PTPN21: variants seen among roughly 807,000 people sequenced by gnomAD.
The protein encoded by PTPN21 is protein tyrosine phosphatase non-receptor type 21, also known as tyrosine-protein phosphatase non-receptor type 21.
Under a neutral mutation model 131.8 loss-of-function variants are expected in PTPN21, and 77 were observed. The ratio of observed to expected loss-of-function variants is 0.58; its 90% CI spans 0.49 to 0.71. The LOEUF (loss-of-function observed/expected upper bound fraction) is 0.71. Ranked by LOEUF, PTPN21 falls within the 30% of genes least tolerant of loss-of-function variation. The probability of loss-of-function intolerance (pLI) is 0.00; values close to 1 mark genes in which losing one functional copy is unlikely to be tolerated. For missense variants in PTPN21, 1,552 were observed against 1,527.1 expected (o/e 1.02, Z -0.27); for synonymous variants, 715 against 621.3 (o/e 1.15, Z -2.24).
chr14:88,468,600 C>G (rs545889860), intron 18 of PTPN21, among the ~76,000 whole-genome samples: 2 of 152,254 alleles, frequency 1.3e-5, no homozygotes, highest in East Asian at 3.9e-4. Context: ...CTATTTCCCT[C>G]AAGGGCTCTG....
At chr14:88,499,115 C>T (rs1000738403) in intron 8 of PTPN21, among the ~76,000 whole-genome samples, 1 of 152,126 alleles carries the variant, frequency 6.6e-6, no homozygotes, top group African/African-American at 2.4e-5. Context: ...ATCCATTTTC[C>T]TCTCCTCTCC....
At chr14:88,478,755 A>G (rs1223641003) in intron 13 of PTPN21, among the ~76,000 whole-genome samples, 165 bp downstream of exon 13, 1 of 152,240 alleles carries the variant, frequency 6.6e-6, no homozygotes, top group East Asian at 1.9e-4. Flanking sequence ...CATGATTTCC[A>G]TAAATTTAAA....
At chr14:88,516,135 A>T (rs143587677) in intron 3 of PTPN21, among the ~76,000 whole-genome samples, 1,918 of 152,300 alleles carry the variant, frequency 0.013, 129 homozygotes, top group Admixed American at 0.12. Flanking sequence ...TAGGAAAAAG[A>T]TACACGGACA....
intron 10 of PTPN21, chr14:88,493,236 A>T: frequency 2.9e-6 from 1 of 349,092 alleles, no homozygotes; most frequent in Admixed American, 4.1e-5. Context: ...TATTGTTATG[A>T]ATTATTCAGG....
chr14:88,475,991 ATGT>A (rs2077542337), intron 13 of PTPN21, among the ~76,000 whole-genome samples: 1 of 152,230 alleles, frequency 6.6e-6, no homozygotes. Flanking sequence ...GTGATTTCTT[ATGT>A]GAGAACCACT....
At chr14:88,474,430 T>C (rs550868167) in intron 13 of PTPN21, among the ~76,000 whole-genome samples, 2 of 152,146 alleles carry the variant, frequency 1.3e-5, no homozygotes, top group South Asian at 4.1e-4. Context: ...ACTTAAGCAG[T>C]GTTGGCCTCC....
intron 2 of PTPN21, among the ~76,000 whole-genome samples, chr14:88,542,897 C>T (rs1388518074): frequency 6.6e-6 from 1 of 152,158 alleles, no homozygotes; most frequent in Non-Finnish European, 1.5e-5. Context: ...CTTGTCTCTA[C>T]CTCGGTCTTA....
rs751223008 is a variant in PTPN21, at chr14:88,527,169, C to T, written c.181-9908G>A. Among the ~76,000 whole-genome samples, 76 of 152,184 alleles carry T rather than the reference C, an allele frequency of 5.0e-4. 2 individuals carry two copies. The highest frequency in any genetic ancestry group is 2.9e-4 in the Non-Finnish European group (20 of 68,006). On this transcript the variant is annotated intron_variant, in intron 2 of 18. Coordinates refer to ENST00000556564, the MANE Select transcript of PTPN21 (RefSeq NM_007039.4). ...TGGCTTCTTTTCCTCCTAGTAGATA[C>T]CCAGTAGTGGGATTGCTGGATCAAA...
At position 88,468,254 on chromosome 14, in the gene PTPN21, G is replaced by C. The variant is rs767946467; in HGVS notation, c.3408C>G (p.Ile1136Met). Residue 1136 changes from isoleucine to methionine, a missense_variant, in exon 19 of 19, where the codon ATC (isoleucine) becomes ATG (methionine). By Grantham distance (10) the Ile-to-Met change is conservative (BLOSUM62 1). Around this residue, in one of 4 missense-constraint regions of PTPN21, gnomAD observed 316 missense variants for 378.5 expected, o/e 0.83. Coordinates refer to ENST00000556564, the MANE Select transcript of PTPN21 (RefSeq NM_007039.4). ...GCCTCAGCATGTCCAGCACTCTCGG[G>C]ATGTCCAGCACCTAGGTTGAGAGAA... is the stretch of plus-strand genomic sequence containing the variant. Reference protein sequence around the residue: ...ACLEHNEVLDIPRVLDMLRQQ... With the variant: ...ACLEHNEVLDMPRVLDMLRQQ... 6.2e-7 allele frequency: 1 copy of C among 1,605,654 alleles called. No individual in the cohort carries two copies. Among genetic ancestry groups the C allele is most frequent in the East Asian group, 2.2e-5 (1 of 44,802 alleles).
chr14:88,490,928 C>A lies in PTPN21; in HGVS notation c.933-5086G>T, dbSNP rs115471755. On this transcript the variant is annotated intron_variant, in intron 10 of 18. Coordinates refer to ENST00000556564, the MANE Select transcript of PTPN21 (RefSeq NM_007039.4). ...TACACCAAGGGGCCTCTCATGACTCCCCAACTCTCTCGGCATTTTCCTTAT... is the reference window on the plus strand; with the variant it reads ...TACACCAAGGGGCCTCTCATGACTCACCAACTCTCTCGGCATTTTCCTTAT... 5.6e-3 allele frequency among the ~76,000 whole-genome samples: 846 copies of A among 152,248 alleles called. 6 individuals carry two copies. The highest frequency in any genetic ancestry group is 0.02 in the African/African-American group (817 of 41,534).
intron 2 of PTPN21, among the ~76,000 whole-genome samples, chr14:88,538,223 A>G (rs963104340): frequency 2.6e-5 from 4 of 152,224 alleles, no homozygotes; most frequent in Admixed American, 6.5e-5. Flanking sequence ...TGGGCTCATC[A>G]CGAAAGGCAG....
At chr14:88,485,904 C>T (rs1386730079) in intron 10 of PTPN21, 62 bp from the exon 11 acceptor site, 6 of 1,000,770 alleles carry the variant, frequency 6.0e-6, no homozygotes, top group Non-Finnish European at 9.3e-6. Flanking sequence ...TCTACCAAAA[C>T]AAGATATAGG....
At chr14:88,551,160 G>A (rs2139371414) in intron 1 of PTPN21, 1 of 152,334 alleles carries the variant, frequency 6.6e-6, no homozygotes, top group East Asian at 1.9e-4. Context: ...AAGCGCTTGT[G>A]GAAGTATTTA....
At chr14:88,552,799 G>GA (rs1356389923) in intron 1 of PTPN21, among the ~76,000 whole-genome samples, 1 of 152,092 alleles carries the variant, frequency 6.6e-6, no homozygotes, top group Admixed American at 6.6e-5. Flanking sequence ...AAGCAAGATG[G>GA]AAAAAAATTA....
At chr14:88,551,996 CAG>C (rs1429685636) in intron 1 of PTPN21, 1 of 152,290 alleles carries the variant, frequency 6.6e-6, no homozygotes, top group Non-Finnish European at 1.5e-5. Flanking sequence ...TCCTTCTGCG[CAG>C]AGATTGCCTG....
intron 3 of PTPN21, among the ~76,000 whole-genome samples, chr14:88,514,145 TG>T (rs1357434507): frequency 6.6e-6 from 1 of 152,220 alleles, no homozygotes; most frequent in Non-Finnish European, 1.5e-5. Context: ...AAGAATGTTT[TG>T]GCTTTTTCCT....
chr14:88,504,766 T>A (rs2139280991), intron 5 of PTPN21, among the ~76,000 whole-genome samples: 1 of 152,212 alleles, frequency 6.6e-6, no homozygotes, highest in East Asian at 1.9e-4. Context: ...AGTTAGCCAG[T>A]CCTGAGCCCA....
intron 8 of PTPN21, 116 bp from the exon 9 acceptor site, chr14:88,497,406 T>C (rs2077936277): frequency 7.3e-6 from 6 of 827,322 alleles, no homozygotes; most frequent in Non-Finnish European, 1.2e-5. Context: ...GTAACATTTT[T>C]GAGAAAAACA....
At chr14:88,485,047 T>A (rs376587170) in intron 12 of PTPN21, 29 bp downstream of exon 12, 82 of 1,519,278 alleles carry the variant, frequency 5.4e-5, no homozygotes, top group Non-Finnish European at 6.6e-5. Context: ...CATAACTATG[T>A]AAGGCATGGC....
Sources: allele counts gnomAD v4.1 joint callset (sites outside exome capture counted in the v4.1 genomes callset), GRCh38; gene constraint gnomAD v4.1.1; regional missense constraint gnomAD v4.1.1; transcripts MANE v1.5; gene names NCBI Gene and HGNC (gene_info 2026-07-23, HGNC 2026-07-21).